Variants in AKT3 observed in about 807,000 individuals in gnomAD.
The protein encoded by AKT3 is AKT serine/threonine kinase 3, also known as RAC-gamma serine/threonine-protein kinase.
A neutral mutation model predicts 65.3 loss-of-function variants in AKT3; 15 were observed. The observed-to-expected ratio is 0.23, with a 90% CI of 0.15 to 0.35. AKT3 has a LOEUF of 0.35. AKT3 is among the 10% of genes least tolerant of loss of function. AKT3 has a pLI of 1.00. For synonymous variants in AKT3, 206 were observed against 183.8 expected, an observed-to-expected ratio of 1.12 and a Z score of -0.98; for missense variants, 243 against 576.5, an observed-to-expected ratio of 0.42 and a Z score of 5.92.
chr1:243,515,138 T>C (rs1312358596), intron 12 of AKT3, among the ~76,000 whole-genome samples: 2 of 152,228 alleles, frequency 1.3e-5, no homozygotes, highest in Non-Finnish European at 2.9e-5. Flanking sequence ...GTTTACTCAC[T>C]TTGCTGGGTA....
At chr1:243,515,870 G>A (rs2148372820) in intron 12 of AKT3, among the ~76,000 whole-genome samples, 1 of 152,026 alleles carries the variant, frequency 6.6e-6, no homozygotes, top group East Asian at 1.9e-4. Context: ...GGTGCCTGTA[G>A]TCCCAGCTAC....
At chr1:243,753,542 A>G (rs1688940322) in intron 2 of AKT3, among the ~76,000 whole-genome samples, 1 of 152,164 alleles carries the variant, frequency 6.6e-6, no homozygotes, top group Non-Finnish European at 1.5e-5. Flanking sequence ...TCAATAAAAA[A>G]CTTCTAGAAT....
At chr1:243,491,494 G>C (rs1666405629) in intron 13 of AKT3, among the ~76,000 whole-genome samples, 1 of 152,204 alleles carries the variant, frequency 6.6e-6, no homozygotes, top group South Asian at 2.1e-4. Context: ...GCTTTCAGTT[G>C]CAAATACTAG....
At chr1:243,655,026 T>G (rs1681657143) in intron 4 of AKT3, among the ~76,000 whole-genome samples, 1 of 152,282 alleles carries the variant, frequency 6.6e-6, no homozygotes, top group East Asian at 1.9e-4. Flanking sequence ...TTTTGCTCTA[T>G]TCTCTCCTCT....
chr1:243,797,165 C>CT (rs1333519843), intron 2 of AKT3, among the ~76,000 whole-genome samples: 1 of 151,614 alleles, frequency 6.6e-6, no homozygotes, highest in African/African-American at 2.4e-5. Flanking sequence ...CTAAAAAATA[C>CT]TTTTTTAAAA....
chr1:243,789,408 C>T (rs1317231667), intron 2 of AKT3, among the ~76,000 whole-genome samples: 1 of 152,130 alleles, frequency 6.6e-6, no homozygotes, highest in Non-Finnish European at 1.5e-5. Context: ...TTTTAATAAA[C>T]AGATAAAAAA....
intron 3 of AKT3, among the ~76,000 whole-genome samples, chr1:243,679,054 T>G (rs1683731888): frequency 6.6e-6 from 1 of 152,180 alleles, no homozygotes; most frequent in Non-Finnish European, 1.5e-5. Context: ...ACAATGAGGA[T>G]GAAGACCTTT....
chr1:243,600,617 T>G (rs1372382002), intron 8 of AKT3, among the ~76,000 whole-genome samples: 1 of 152,028 alleles, frequency 6.6e-6, no homozygotes. Context: ...AAGAAACAAA[T>G]GAAACATGAC....
At chr1:243,645,833 T>A in intron 5 of AKT3, 60 bp downstream of exon 5, 1 of 1,462,208 alleles carries the variant, frequency 6.8e-7, no homozygotes, top group Non-Finnish European at 9.1e-7. Flanking sequence ...AATGGTAGCT[T>A]TTAATATGTT....
intron 4 of AKT3, among the ~76,000 whole-genome samples, chr1:243,646,886 G>A (rs1265389324): frequency 1.3e-5 from 2 of 152,070 alleles, no homozygotes; most frequent in Non-Finnish European, 2.9e-5. Context: ...TCAGTCTCAG[G>A]AGCATTTATA....
chr1:243,799,940 G>C (rs1230914203), intron 2 of AKT3, among the ~76,000 whole-genome samples: 1 of 152,084 alleles, frequency 6.6e-6, no homozygotes, highest in East Asian at 1.9e-4. Context: ...ACAATTCTTG[G>C]GGAGTGGGGG....
chr1:243,769,356 C>CT (rs1167405662), intron 2 of AKT3, among the ~76,000 whole-genome samples: 2 of 152,168 alleles, frequency 1.3e-5, no homozygotes, highest in African/African-American at 4.8e-5. Context: ...ACCTACAACT[C>CT]TATGTTTTAA....
intron 2 of AKT3, among the ~76,000 whole-genome samples, chr1:243,802,101 G>A (rs375316125): frequency 3.9e-5 from 6 of 152,236 alleles, no homozygotes; most frequent in African/African-American, 1.2e-4. Flanking sequence ...CTTGACTGTA[G>A]GAATCTTAAC....
intron 2 of AKT3, among the ~76,000 whole-genome samples, chr1:243,786,702 G>A (rs1281144809): frequency 1.3e-5 from 2 of 152,060 alleles, no homozygotes; most frequent in Non-Finnish European, 2.9e-5. Flanking sequence ...GGTGCGCGGT[G>A]GAGATGGTAA....
intron 13 of AKT3, among the ~76,000 whole-genome samples, chr1:243,492,295 CTTTTTT>C (rs33950392): frequency 6.3e-5 from 4 of 63,124 alleles, no homozygotes; most frequent in African/African-American, 1.3e-4. Flanking sequence ...CGTTTCTTGG[CTTTTTT>C]TTTTTTTTTT....
At chr1:243,782,156 A>G (rs1690954813) in intron 2 of AKT3, among the ~76,000 whole-genome samples, 1 of 152,182 alleles carries the variant, frequency 6.6e-6, no homozygotes. Context: ...TGGAGACAAG[A>G]GAACCAAGCC....
At chr1:243,541,819 G>C (rs1413995278) in intron 12 of AKT3, among the ~76,000 whole-genome samples, 1 of 152,106 alleles carries the variant, frequency 6.6e-6, no homozygotes, top group Admixed American at 6.6e-5. Flanking sequence ...CTACAAAAAA[G>C]GTTACTACAA....
At chr1:243,833,374 G>C (rs1200727216) in intron 2 of AKT3, among the ~76,000 whole-genome samples, 1 of 152,148 alleles carries the variant, frequency 6.6e-6, no homozygotes, top group Admixed American at 6.5e-5. Flanking sequence ...CATGGCATAA[G>C]GTGAGGGGGA....
intron 2 of AKT3, among the ~76,000 whole-genome samples, chr1:243,804,846 CA>C (rs796068774): frequency 0.014 from 1,512 of 111,700 alleles, 26 homozygotes; most frequent in African/African-American, 0.046. Flanking sequence ...GACTCCATCT[CA>C]AAAAAAAAAA....
Sources: gnomAD v4.1 joint callset for allele counts (sites outside exome capture counted in the v4.1 genomes callset) on GRCh38, gnomAD v4.1.1 for gene constraint, MANE v1.5 for transcripts, NCBI Gene and HGNC (gene_info 2026-07-23, HGNC 2026-07-21) for gene names.